Variants in CHRDL1 observed in about 807,000 individuals in gnomAD.
CHRDL1 encodes the protein chordin like 1.
CHRDL1 carries 19 observed loss-of-function variants against 40.9 expected under a neutral mutation model. That is an observed-to-expected ratio of 0.46 (90% CI 0.32 to 0.68). CHRDL1 has a LOEUF of 0.68. CHRDL1 is among the 30% of genes least tolerant of loss of function. The pLI, the probability that CHRDL1 is intolerant of heterozygous loss-of-function variation, is 0.03. For synonymous variants in CHRDL1, 136 were observed against 123.4 expected (o/e 1.10, Z -0.68); for missense variants, 329 against 352.1 (o/e 0.93, Z 0.53).
chrX:110,686,897 A>AC (rs1313792987), intron 9 of CHRDL1, among the ~76,000 whole-genome samples: 3 of 101,628 alleles, frequency 3.0e-5, no homozygotes, highest in African/African-American at 1.2e-4. Flanking sequence ...AAAACAAAAA[A>AC]TAAAAAAAAA....
At chrX:110,712,536 G>C (rs972593942) in intron 6 of CHRDL1, among the ~76,000 whole-genome samples, 5 of 111,041 alleles carry the variant, frequency 4.5e-5, no homozygotes, top group Non-Finnish European at 7.6e-5. Flanking sequence ...AATTCAGATT[G>C]GATAATATGG....
chrX:110,738,051 G>A (rs752010868), intron 4 of CHRDL1, among the ~76,000 whole-genome samples: 1 of 112,039 alleles, frequency 8.9e-6, no homozygotes, highest in Admixed American at 9.4e-5. Context: ...AAGTGTTTGC[G>A]AAGCTCTGGA....
rs866214680 is a variant in CHRDL1 at position 110,689,822 on chromosome X, T to C, written c.779-1019A>G. The stretch of plus-strand genomic sequence containing the variant: ...ATCTATATATCTATATATATCTATA[T>C]ATCTATATATCTATATATATCTATA... On this transcript the variant is annotated intron_variant, in intron 8 of 11. Transcript: ENST00000372042. 9.8e-4 allele frequency among the ~76,000 whole-genome samples: 63 copies of C among 64,349 alleles called. 4 individuals carry two copies. Among genetic ancestry groups the C allele is most frequent in the South Asian group, 4.1e-3 (7 of 1,693 alleles). 55.9% of individuals were successfully genotyped at this position (64,349 alleles called of 115,157 possible).
At chrX:110,734,952 C>T (rs998061096) in intron 4 of CHRDL1, among the ~76,000 whole-genome samples, 1 of 111,897 alleles carries the variant, frequency 8.9e-6, no homozygotes, top group Admixed American at 9.5e-5. Flanking sequence ...TCACTCACTG[C>T]CTTCCTCTTC....
intron 4 of CHRDL1, among the ~76,000 whole-genome samples, chrX:110,731,681 TCTG>T (rs745587559): frequency 9.9e-5 from 11 of 111,167 alleles, no homozygotes; most frequent in Non-Finnish European, 1.9e-4. Context: ...CTTGAAAAAT[TCTG>T]CTAAGTGAAA....
intron 2 of CHRDL1, among the ~76,000 whole-genome samples, chrX:110,767,095 G>C (rs1176436244): frequency 8.9e-6 from 1 of 112,006 alleles, no homozygotes; most frequent in East Asian, 2.8e-4. Context: ...AAAATCACAT[G>C]ATCATCTCAA....
intron 4 of CHRDL1, among the ~76,000 whole-genome samples, chrX:110,728,320 C>T (rs1270709891): frequency 9.0e-6 from 1 of 111,127 alleles, no homozygotes; most frequent in African/African-American, 3.3e-5. Context: ...TGTACATATA[C>T]ATATGCATTC....
chrX:110,781,008 A>AT (rs200243697), intron 2 of CHRDL1, among the ~76,000 whole-genome samples: 25 of 109,770 alleles, frequency 2.3e-4, no homozygotes, highest in African/African-American at 4.9e-4. Context: ...TTAGCAATAC[A>AT]TTTTTTTTTG....
intron 11 of CHRDL1, among the ~76,000 whole-genome samples, chrX:110,676,884 G>A (rs1310617069): frequency 9.1e-6 from 1 of 110,329 alleles, no homozygotes; most frequent in Non-Finnish European, 1.9e-5. Flanking sequence ...AAAACTTCTC[G>A]ACGTTGCTTT....
rs759294473 is a variant in CHRDL1 at position 110,688,590 on chromosome X, G to C, written c.988+4C>G. On this transcript the variant is annotated splice_donor_region_variant and intron_variant, in intron 9 of 11. Transcript: ENST00000372042. ...ACCAAAAGCAGGGCCTCCAACCAAC[G>C]CACCTTTTGCTTTTTTACCTGGACA... 4.2e-6 allele frequency: 5 copies of C among 1,197,979 alleles called. No individual in the cohort carries two copies. The highest frequency in any genetic ancestry group is 4.5e-6 in the Non-Finnish European group (4 of 883,515).
chrX:110,741,480 C>T (rs144162147), intron 4 of CHRDL1, among the ~76,000 whole-genome samples: 4 of 110,596 alleles, frequency 3.6e-5, no homozygotes, highest in Non-Finnish European at 7.6e-5. Flanking sequence ...TGTCCACCTC[C>T]CTGAACTCAG....
intron 11 of CHRDL1, among the ~76,000 whole-genome samples, chrX:110,677,716 C>T (rs2069808292): frequency 8.9e-6 from 1 of 111,962 alleles, no homozygotes; most frequent in Admixed American, 9.5e-5. Context: ...CTGCCAAAGA[C>T]AAGCAACTGA....
intron 2 of CHRDL1, among the ~76,000 whole-genome samples, chrX:110,769,714 C>T (rs931455885): frequency 1.8e-5 from 2 of 111,683 alleles, no homozygotes; most frequent in South Asian, 7.6e-4. Context: ...CAGGGAAACT[C>T]CCTTTTTTAA....
At chrX:110,751,636 G>A (rs2089360607) in intron 4 of CHRDL1, among the ~76,000 whole-genome samples, 2 of 112,198 alleles carry the variant, frequency 1.8e-5, no homozygotes, top group Non-Finnish European at 1.9e-5. Context: ...ATTCTAGTGA[G>A]GATGTGGAGA....
At chrX:110,679,271 G>A in intron 11 of CHRDL1, 65 bp downstream of exon 11, 1 of 760,981 alleles carries the variant, frequency 1.3e-6, no homozygotes, top group Non-Finnish European at 2.1e-6. Context: ...GACTTTAGCT[G>A]TGGCTATGCT....
intron 9 of CHRDL1, among the ~76,000 whole-genome samples, chrX:110,686,895 A>AAC (rs1556328818): frequency 1.2e-4 from 12 of 102,399 alleles, no homozygotes; most frequent in Non-Finnish European, 2.2e-4. Flanking sequence ...AAAAAACAAA[A>AAC]AATAAAAAAA....
intron 4 of CHRDL1, among the ~76,000 whole-genome samples, chrX:110,723,586 T>C (rs1414117906): frequency 8.1e-5 from 9 of 111,580 alleles, no homozygotes; most frequent in Non-Finnish European, 5.6e-5. Context: ...TGACTGATTC[T>C]AGAACCTTCC....
At chrX:110,693,901 C>T (rs2070330373) in intron 8 of CHRDL1, among the ~76,000 whole-genome samples, 1 of 111,378 alleles carries the variant, frequency 9.0e-6, no homozygotes, top group African/African-American at 3.3e-5. Context: ...TCCCAAATGA[C>T]CTACAATCCC....
At chrX:110,678,253 T>C (rs530493831) in intron 11 of CHRDL1, among the ~76,000 whole-genome samples, 2 of 112,090 alleles carry the variant, frequency 1.8e-5, no homozygotes, top group South Asian at 3.8e-4. Flanking sequence ...TAATGTAATA[T>C]ATGCATCTGA....
Sources: allele counts gnomAD v4.1 joint callset (sites outside exome capture counted in the v4.1 genomes callset), GRCh38; gene constraint gnomAD v4.1.1; transcripts MANE v1.5; gene names NCBI Gene and HGNC (gene_info 2026-07-23, HGNC 2026-07-21).